ARHGAP10: variants seen among roughly 807,000 people sequenced by gnomAD.
The protein encoded by ARHGAP10 is Rho GTPase activating protein 10, also known as rho GTPase-activating protein 10.
In ARHGAP10, 87 loss-of-function variants were observed where a neutral mutation model predicts 108.6. The observed-to-expected ratio is 0.80, with a 90% CI of 0.67 to 0.96. The LOEUF (loss-of-function observed/expected upper bound fraction) is 0.96. Among genes scored for constraint, ARHGAP10 ranks in the 40% least tolerant of loss-of-function variants. The probability of loss-of-function intolerance (pLI) is 0.00; values close to 1 mark genes in which losing one functional copy is unlikely to be tolerated. For missense variants in ARHGAP10, 939 were observed against 954.5 expected, an observed-to-expected ratio of 0.98 and a Z score of 0.21; for synonymous variants, 347 against 341.1, an observed-to-expected ratio of 1.02 and a Z score of -0.19.
chr4:147,826,987 C>T (rs2126791509), intron 3 of ARHGAP10, among the ~76,000 whole-genome samples: 1 of 152,266 alleles, frequency 6.6e-6, no homozygotes, highest in East Asian at 1.9e-4. Context: ...ATAGGTTCTT[C>T]TCCCCATCCG....
chr4:148,025,984 C>T (rs749159867), intron 19 of ARHGAP10, among the ~76,000 whole-genome samples: 2 of 152,036 alleles, frequency 1.3e-5, no homozygotes, highest in African/African-American at 2.4e-5. Flanking sequence ...GCCCCCGCCC[C>T]GTGACTCATT....
At chr4:148,068,392 C>A (rs1018891048) in intron 22 of ARHGAP10, among the ~76,000 whole-genome samples, 2 of 152,116 alleles carry the variant, frequency 1.3e-5, no homozygotes, top group Non-Finnish European at 2.9e-5. Flanking sequence ...ACAGAATAAT[C>A]CCTGGAAAAC....
chr4:148,010,360 T>C (rs1741124929), intron 18 of ARHGAP10, among the ~76,000 whole-genome samples: 1 of 152,190 alleles, frequency 6.6e-6, no homozygotes, highest in Admixed American at 6.5e-5. Context: ...ATTAGTAATA[T>C]TGTGTACCAG....
chr4:147,935,176 A>T (rs1307408279), intron 13 of ARHGAP10, among the ~76,000 whole-genome samples: 3 of 152,136 alleles, frequency 2.0e-5, no homozygotes, highest in Admixed American at 1.3e-4. Context: ...GATTAAGTTG[A>T]ATACACTGCA....
chr4:148,001,027 C>T (rs200133329), intron 18 of ARHGAP10, among the ~76,000 whole-genome samples: 1 of 152,156 alleles, frequency 6.6e-6, no homozygotes, highest in East Asian at 1.9e-4. Flanking sequence ...ATGGTATTGC[C>T]TAGGTTTTCT....
chr4:147,991,721 A>G (rs1436345263), intron 18 of ARHGAP10, among the ~76,000 whole-genome samples: 1 of 152,246 alleles, frequency 6.6e-6, no homozygotes, highest in Non-Finnish European at 1.5e-5. Context: ...GTACCAGCCA[A>G]GTTCCCAGAT....
chr4:147,750,020 G>T (rs964880541), intron 1 of ARHGAP10, among the ~76,000 whole-genome samples: 5 of 152,172 alleles, frequency 3.3e-5, no homozygotes, highest in African/African-American at 4.8e-5. Context: ...TGGCAGGACT[G>T]ATTTATCTTG....
intron 18 of ARHGAP10, among the ~76,000 whole-genome samples, chr4:148,005,373 C>A (rs1740904994): frequency 6.6e-6 from 1 of 152,032 alleles, no homozygotes; most frequent in Non-Finnish European, 1.5e-5. Context: ...CACTTGAGCC[C>A]AGGAGTTTGA....
chr4:147,807,111 T>G, intron 1 of ARHGAP10, among the ~76,000 whole-genome samples: 1 of 152,208 alleles, frequency 6.6e-6, no homozygotes, highest in Admixed American at 6.5e-5. Context: ...GGTCATGAGT[T>G]AGGAATTGGA....
chr4:147,847,923 C>T (rs74623914), intron 4 of ARHGAP10, among the ~76,000 whole-genome samples: 3,830 of 152,182 alleles, frequency 0.025, 150 homozygotes, highest in African/African-American at 0.083. Flanking sequence ...TAATTTCCAC[C>T]GGTCTTTCCT....
intron 8 of ARHGAP10, among the ~76,000 whole-genome samples, chr4:147,875,430 T>A (rs1735018688): frequency 6.6e-6 from 1 of 152,140 alleles, no homozygotes; most frequent in Admixed American, 6.5e-5. Flanking sequence ...GGAACATGCT[T>A]GTAAGAGAGT....
At chr4:148,002,141 A>G (rs1740746893) in intron 18 of ARHGAP10, among the ~76,000 whole-genome samples, 1 of 152,158 alleles carries the variant, frequency 6.6e-6, no homozygotes, top group South Asian at 2.1e-4. Context: ...GAATTTTGTC[A>G]AAGACCTTTT....
intron 22 of ARHGAP10, among the ~76,000 whole-genome samples, chr4:148,071,751 C>G (rs1489272387): frequency 6.6e-6 from 1 of 152,060 alleles, no homozygotes; most frequent in Non-Finnish European, 1.5e-5. Flanking sequence ...TGGAAGGGGC[C>G]GGACTCTGGA....
intron 1 of ARHGAP10, among the ~76,000 whole-genome samples, chr4:147,810,177 G>A (rs1233311747): frequency 1.3e-5 from 2 of 152,306 alleles, no homozygotes; most frequent in South Asian, 2.1e-4. Flanking sequence ...CATTACAGGC[G>A]AGAGATCATT....
rs60042934 is a variant in ARHGAP10 at position 148,004,137 on chromosome 4, G to A, written c.1717-19126G>A. Among the ~76,000 whole-genome samples the A allele has an allele frequency of 8.3e-3, 1,261 of 152,290 alleles. 11 individuals are homozygous for A. The highest frequency in any genetic ancestry group is 0.022 in the African/African-American group (918 of 41,558). ...CCAGCTACTCAGGAGACTGAGGCTGGAGGAGCCCAGGAGTCTGAATCCAGT... is the reference window on the plus strand; with the variant it reads ...CCAGCTACTCAGGAGACTGAGGCTGAAGGAGCCCAGGAGTCTGAATCCAGT... On this transcript the variant is annotated intron_variant, in intron 18 of 22. Coordinates refer to ENST00000336498, the MANE Select transcript of ARHGAP10 (RefSeq NM_024605.4).
rs373495183 is a variant in ARHGAP10 at position 147,815,275 on chromosome 4, T to C, written c.155-7452T>C. Among the ~76,000 whole-genome samples, 34 of 152,280 alleles carry C rather than the reference T, an allele frequency of 2.2e-4. No homozygotes were observed. The South Asian group carries it at 7.1e-3, about 32-fold the overall frequency. ...TAACCTGTGTCTGTGTCCTCTTCTG[T>C]TGTAGTGATAGTTAACCGAATCTAC... On this transcript the variant is annotated intron_variant, in intron 1 of 22. Transcript: ENST00000336498.
chr4:147,740,554 C>T (rs1728615932), intron 1 of ARHGAP10, among the ~76,000 whole-genome samples: 1 of 151,918 alleles, frequency 6.6e-6, no homozygotes, highest in African/African-American at 2.4e-5. Flanking sequence ...TTTTAAGACC[C>T]CTCTGGGGCC....
At chr4:147,828,479 A>G (rs1019898932) in intron 3 of ARHGAP10, among the ~76,000 whole-genome samples, 2 of 152,188 alleles carry the variant, frequency 1.3e-5, no homozygotes, top group South Asian at 2.1e-4. Context: ...GCCACATGCT[A>G]TAAAGATAAA....
chr4:147,742,476 CTTT>C (rs11420720), intron 1 of ARHGAP10, among the ~76,000 whole-genome samples: 1 of 86,490 alleles, frequency 1.2e-5, no homozygotes, highest in Admixed American at 1.9e-4. Flanking sequence ...TCTGTGAACA[CTTT>C]TTTTTTTTTT....
Sources: gnomAD v4.1 joint callset for allele counts (sites outside exome capture counted in the v4.1 genomes callset) on GRCh38, gnomAD v4.1.1 for gene constraint, MANE v1.5 for transcripts, NCBI Gene and HGNC (gene_info 2026-07-23, HGNC 2026-07-21) for gene names.